WNT2B: variants seen among roughly 807,000 people sequenced by gnomAD.
The protein encoded by WNT2B is Wnt family member 2B.
Under a neutral mutation model 40.5 loss-of-function variants are expected in WNT2B, and 19 were observed. The ratio of observed to expected loss-of-function variants is 0.47; its 90% confidence interval spans 0.33 to 0.69. The LOEUF is 0.69. WNT2B is among the 30% of genes least tolerant of loss of function. The pLI is 0.02. For synonymous variants in WNT2B, 220 were observed against 211.9 expected, an observed-to-expected ratio of 1.04 and a Z score of -0.33; for missense variants, 467 against 556.4, an observed-to-expected ratio of 0.84 and a Z score of 1.62.
intron 1 of WNT2B, among the ~76,000 whole-genome samples, chr1:112,489,847 C>T (rs1384119534): frequency 6.6e-6 from 1 of 152,050 alleles, no homozygotes; most frequent in Non-Finnish European, 1.5e-5. Context: ...GTTCCTTCAG[C>T]CCAGATCCTA....
intron 1 of WNT2B, among the ~76,000 whole-genome samples, chr1:112,484,290 T>TAC (rs1553230299): frequency 6.1e-4 from 77 of 126,012 alleles, no homozygotes; most frequent in Admixed American, 2.2e-3. Context: ...TATATATATA[T>TAC]ACACACACAT....
intron 1 of WNT2B, among the ~76,000 whole-genome samples, chr1:112,476,399 G>A (rs571495368): frequency 6.6e-6 from 1 of 152,304 alleles, no homozygotes; most frequent in East Asian, 1.9e-4. Context: ...GATGGTGGAT[G>A]AGAAGGTAAT....
At chr1:112,484,857 T>C (rs1415431239) in intron 1 of WNT2B, among the ~76,000 whole-genome samples, 1 of 152,202 alleles carries the variant, frequency 6.6e-6, no homozygotes, top group Non-Finnish European at 1.5e-5. Flanking sequence ...ACAGGAGATG[T>C]GCAAGACTTA....
Position 112,520,382 on chromosome 1 carries a change from C to A in WNT2B, c.1049C>A (p.Thr350Asn), listed in dbSNP as rs374641766. The A allele has an allele frequency of 1.9e-6, 3 of 1,614,036 alleles. No homozygotes were observed. In the African/African-American group the frequency reaches 4.0e-5, roughly 22 times the overall value. ...CGRGYDTTRV[T>N]RVTQCECKFH... ...CGAGGGTACGACACAACTCGAGTCA[C>A]CCGTGTTACCCAGTGTGAGTGCAAA... Residue 350 changes from threonine to asparagine, a missense_variant, in exon 5 of 5, where the codon ACC becomes AAC. Thr to Asn is a moderately conservative substitution (Grantham distance 65). Transcript: ENST00000369684.
intron 1 of WNT2B, among the ~76,000 whole-genome samples, chr1:112,500,665 G>C (rs946541641): frequency 6.6e-6 from 1 of 152,004 alleles, no homozygotes; most frequent in African/African-American, 2.4e-5. Flanking sequence ...CCAGCTAATC[G>C]GGAGACTGAG....
At chr1:112,483,115 T>C (rs551040995) in intron 1 of WNT2B, among the ~76,000 whole-genome samples, 1 of 152,072 alleles carries the variant, frequency 6.6e-6, no homozygotes, top group Admixed American at 6.6e-5. Flanking sequence ...CCTAGGAGTT[T>C]GAGGCTGCAG....
chr1:112,518,630 A>G (rs1652694964), intron 4 of WNT2B, among the ~76,000 whole-genome samples: 1 of 152,164 alleles, frequency 6.6e-6, no homozygotes, highest in Non-Finnish European at 1.5e-5. Context: ...CCTAGAAATA[A>G]TTCCATAACA....
chr1:112,496,834 C>T (rs955457602), intron 1 of WNT2B, among the ~76,000 whole-genome samples: 1 of 152,024 alleles, frequency 6.6e-6, no homozygotes, highest in East Asian at 1.9e-4. Flanking sequence ...TCACGACCTC[C>T]GGTGATCTGC....
intron 4 of WNT2B, 24 bp from the exon 5 acceptor site, chr1:112,520,256 C>A: frequency 6.2e-7 from 1 of 1,602,812 alleles, no homozygotes; most frequent in South Asian, 1.1e-5. Flanking sequence ...ACTTTGTTCT[C>A]ACTCCCTCTC....
At position 112,521,716 on chromosome 1, in the gene WNT2B, A is replaced by C. The variant is rs1652892700; in HGVS notation, c.*1207A>C. On this transcript the variant is annotated 3_prime_UTR_variant, in exon 5 of 5. Transcript: ENST00000369684. ...CACTCCACATTTGGCTTAATGGGTA[A>C]TGCTATTACCCATTGCCTAACTAGG... is the stretch of plus-strand genomic sequence containing the variant. 6.6e-6 allele frequency: 1 copy of C among 152,178 alleles called. No homozygotes were observed. Among genetic ancestry groups the C allele is most frequent in the South Asian group, 2.1e-4 (1 of 4,824 alleles). 9.4% of individuals were successfully genotyped at this position (152,178 alleles called of 1,614,324 possible). A position where few individuals can be genotyped will look rare whatever the true frequency, so the allele number is the denominator to read the frequency against.
At chr1:112,491,557 A>C (rs1423086368) in intron 1 of WNT2B, among the ~76,000 whole-genome samples, 2 of 152,150 alleles carry the variant, frequency 1.3e-5, no homozygotes, top group Non-Finnish European at 2.9e-5. Flanking sequence ...TTTCAGGCCA[A>C]GGGAAAATGG....
chr1:112,467,436 G>A, exon 1 of WNT2B: 1 of 702,290 alleles, frequency 1.4e-6, no homozygotes, highest in Non-Finnish European at 2.7e-6. Flanking sequence ...AAGAGCCCAA[G>A]CAATGTGGTT....
rs1653136311 is a variant in WNT2B, at chr1:112,524,654, C to CG, written c.*4150dup. On this transcript the variant is annotated 3_prime_UTR_variant, in exon 5 of 5. Transcript: ENST00000369684. ...TCCACTTGGGAACTGCCTGCTACTACGGGGGTTGGGCATCTTTGAAGCAAT... is the reference window on the plus strand; with the variant it reads ...TCCACTTGGGAACTGCCTGCTACTACGGGGGGTTGGGCATCTTTGAAGCAAT... 1 of 152,550 alleles carries CG rather than the reference C, an allele frequency of 6.6e-6. No homozygotes were observed. The highest frequency in any genetic ancestry group is 2.4e-5 in the African/African-American group (1 of 41,404). 9.4% of individuals were successfully genotyped at this position (152,550 alleles called of 1,614,324 possible). A position where few individuals can be genotyped will look rare whatever the true frequency, so the allele number is the denominator to read the frequency against.
intron 1 of WNT2B, among the ~76,000 whole-genome samples, chr1:112,474,300 C>T (rs1445054497): frequency 7.3e-6 from 1 of 136,758 alleles, no homozygotes; most frequent in African/African-American, 2.5e-5. Context: ...TGTGAGCCAC[C>T]ACATCTGACT....
intron 1 of WNT2B, among the ~76,000 whole-genome samples, chr1:112,471,628 C>T (rs1317082125): frequency 3.3e-5 from 5 of 152,184 alleles, no homozygotes; most frequent in Non-Finnish European, 5.9e-5. Context: ...ATAGGAATAG[C>T]TTCTAGGAAT....
chr1:112,521,081 T>C lies in WNT2B; in HGVS notation c.*572T>C, dbSNP rs1463556548. 2 of 153,416 alleles carry C rather than the reference T, an allele frequency of 1.3e-5. No homozygotes were observed. The highest frequency in any genetic ancestry group is 3.8e-4 in the East Asian group (2 of 5,212). The allele number at this position is 153,416 out of a possible 1,614,324, so 9.5% of individuals were successfully genotyped here. On this transcript the variant is annotated 3_prime_UTR_variant, in exon 5 of 5. Transcript: ENST00000369684. ...TTCACATGCTCATATGTTTATAAAC[T>C]GTGTTTTGTAGAAGAAAAAGAATCA...
chr1:112,479,791 A>G (rs1324707856), intron 1 of WNT2B, among the ~76,000 whole-genome samples: 1 of 151,844 alleles, frequency 6.6e-6, no homozygotes, highest in Non-Finnish European at 1.5e-5. Flanking sequence ...GCTCACTGCA[A>G]GCTCTGCCTC....
intron 1 of WNT2B, among the ~76,000 whole-genome samples, chr1:112,499,324 C>T (rs1651874722): frequency 6.6e-6 from 1 of 152,000 alleles, no homozygotes; most frequent in Non-Finnish European, 1.5e-5. Context: ...TCCAGCATTA[C>T]TCTAATACCA....
Position 112,499,203 on chromosome 1 carries a change from CAAA to C in WNT2B, c.-94-15655_-94-15653del, listed in dbSNP as rs34199500. Reference sequence around the variant, plus strand: ...CCTGGGCGACAGAGCAAGACTGTCTCAAAAAAAAAAAAAAAAAAGCCACTTCCA... The same window carrying C: ...CCTGGGCGACAGAGCAAGACTGTCTCAAAAAAAAAAAAAAAGCCACTTCCA... On this transcript the variant is annotated intron_variant, in intron 1 of 4. Transcript: ENST00000256640. Among the ~76,000 whole-genome samples, 94 of 105,064 alleles carry C rather than the reference CAAA, an allele frequency of 8.9e-4. 1 individual carries two copies. The South Asian group carries it at 9.7e-3, about 11-fold the overall frequency. The allele number at this position is 105,064 out of a possible 152,430, so 68.9% of individuals were successfully genotyped here. A position where few individuals can be genotyped will look rare whatever the true frequency, so the allele number is the denominator to read the frequency against.
Sources: allele counts gnomAD v4.1 joint callset (sites outside exome capture counted in the v4.1 genomes callset), GRCh38; gene constraint gnomAD v4.1.1; transcripts MANE v1.5; gene names NCBI Gene and HGNC (gene_info 2026-07-23, HGNC 2026-07-21).